DDX27: variants seen among roughly 807,000 people sequenced by gnomAD.
DDX27 encodes probable ATP-dependent RNA helicase DDX27.
A neutral mutation model predicts 99.3 loss-of-function variants in DDX27; 42 were observed. The ratio of observed to expected loss-of-function variants is 0.42; its 90% CI spans 0.33 to 0.55. DDX27 has a LOEUF of 0.55. Ranked by LOEUF, DDX27 falls within the 20% of genes least tolerant of loss-of-function variation. The pLI is 0.07. For missense variants in DDX27, 798 were observed against 976.8 expected, an observed-to-expected ratio of 0.82 and a Z score of 2.44; for synonymous variants, 329 against 353.8, an observed-to-expected ratio of 0.93 and a Z score of 0.79.
intron 7 of DDX27, among the ~76,000 whole-genome samples, chr20:49,227,158 G>A (rs952811408): frequency 3.3e-5 from 5 of 152,136 alleles, no homozygotes; most frequent in East Asian, 1.9e-4. Flanking sequence ...CACCGCGCCC[G>A]GCCGAGAGTA....
At chr20:49,242,271 A>C in intron 18 of DDX27, 65 bp downstream of exon 18, 1 of 1,589,164 alleles carries the variant, frequency 6.3e-7, no homozygotes, top group Non-Finnish European at 8.6e-7. Context: ...GCTTTGGGTC[A>C]GGGAGAAAAT....
intron 14 of DDX27, chr20:49,238,119 A>C (rs1197357369): frequency 6.6e-6 from 1 of 152,080 alleles, no homozygotes; most frequent in Non-Finnish European, 1.5e-5. Flanking sequence ...CCCGGGTTCA[A>C]GTGATCCTCC....
At chr20:49,222,802 C>T (rs1298381848) in intron 2 of DDX27, among the ~76,000 whole-genome samples, 155 bp from the exon 3 acceptor site, 6 of 151,988 alleles carry the variant, frequency 3.9e-5, no homozygotes, top group African/African-American at 1.2e-4. Context: ...CGTGAGCCAC[C>T]GCGCCCGGCC....
chr20:49,238,862 A>T, intron 14 of DDX27, 87 bp from the exon 15 acceptor site: 2 of 941,462 alleles, frequency 2.1e-6, no homozygotes, highest in Non-Finnish European at 3.3e-6. Flanking sequence ...CTCCCACCTC[A>T]ATCTCCCAGA....
At chr20:49,235,578 AC>A (rs1257068272) in intron 12 of DDX27, 1 of 157,740 alleles carries the variant, frequency 6.3e-6, no homozygotes, top group African/African-American at 2.4e-5. Flanking sequence ...TCTCCACCTA[AC>A]CCTGTTCATC....
intron 1 of DDX27, 42 bp downstream of exon 1, chr20:49,219,583 C>G: frequency 1.3e-6 from 2 of 1,550,434 alleles, no homozygotes; most frequent in African/African-American, 2.8e-5. Context: ...TTGACTGCTT[C>G]CCTTCCTCGC....
At position 49,241,034 on chromosome 20, in the gene DDX27, C is replaced by A. The variant is rs1346745891; in HGVS notation, c.1898-859C>A. Among the ~76,000 whole-genome samples, 3 of 152,030 alleles carry A rather than the reference C, an allele frequency of 2.0e-5. No individual in the cohort carries two copies. The East Asian group carries it at 5.8e-4, about 29-fold the overall frequency. On this transcript the variant is annotated intron_variant, in intron 16 of 20. Coordinates refer to ENST00000618172, the MANE Select transcript of DDX27 (RefSeq NM_017895.8). ...CGACTCAAACCACCACCACCAACAA[C>A]AAAAAACCCAAAAAATAATCATTTG...
intron 8 of DDX27, among the ~76,000 whole-genome samples, chr20:49,229,239 C>T (rs1238562016): frequency 6.6e-6 from 1 of 151,914 alleles, no homozygotes; most frequent in African/African-American, 2.4e-5. Context: ...ACCGTGTTAG[C>T]CAGGATAGTC....
intron 2 of DDX27, 46 bp downstream of exon 2, chr20:49,221,644 A>G (rs1449052269): frequency 1.3e-6 from 2 of 1,525,216 alleles, no homozygotes; most frequent in African/African-American, 2.8e-5. Flanking sequence ...GGCTATTAAG[A>G]TTGGACTGTG....
chr20:49,227,521 C>T (rs952843575), intron 7 of DDX27, among the ~76,000 whole-genome samples: 2 of 151,958 alleles, frequency 1.3e-5, no homozygotes, highest in Admixed American at 6.6e-5. Context: ...TGCCCGCCAC[C>T]ACACCCGGCT....
In DDX27 at chr20:49,238,965, C is replaced by G; in HGVS notation, c.1704C>G (p.Phe568Leu). Residue 568 changes from phenylalanine to leucine, a missense_variant, in exon 15 of 21, where the codon TTC becomes TTG. Physicochemically the swap from Phe to Leu is conservative, Grantham distance 22. Coordinates refer to ENST00000618172, the MANE Select transcript of DDX27 (RefSeq NM_017895.8). ...RILPQDVILK[F>L]RDKIEKMEKD... ...CCCATTGAGATGTCATCCTCAAATT[C>G]CGGGACAAGATTGAGAAAATGGAGA... 1.2e-6 allele frequency: 2 copies of G among 1,613,660 alleles called. No homozygotes were observed. Among genetic ancestry groups the G allele is most frequent in the Non-Finnish European group, 1.7e-6 (2 of 1,179,758 alleles).
intron 9 of DDX27, 65 bp from the exon 10 acceptor site, chr20:49,233,241 C>T (rs997722124): frequency 2.0e-5 from 24 of 1,196,280 alleles, no homozygotes; most frequent in Non-Finnish European, 2.7e-5. Context: ...GTATGCAATC[C>T]CGTGTCCCTC....
chr20:49,230,124 G>C lies in DDX27; in HGVS notation c.881-75G>C. On this transcript the variant is annotated intron_variant, in intron 8 of 20. Coordinates refer to ENST00000618172, the MANE Select transcript of DDX27 (RefSeq NM_017895.8). ...TTCTCTGCATCTGGCCTGAGGCCTG[G>C]TGAGTGGCTGGTGCTCAGTCAACAC... The C allele has an allele frequency of 6.6e-6, 10 of 1,507,576 alleles. No individual in the cohort carries two copies. The South Asian group carries it at 1.0e-4, about 16-fold the overall frequency. The allele number at this position is 1,507,576 out of a possible 1,614,324, so 93.4% of individuals were successfully genotyped here.
chr20:49,234,824 G>C, intron 11 of DDX27, 111 bp from the exon 12 acceptor site: 2 of 1,306,628 alleles, frequency 1.5e-6, no homozygotes, highest in Non-Finnish European at 2.1e-6. Flanking sequence ...CAGGGACAGT[G>C]CCTGTCTATC....
At position 49,243,997 on chromosome 20, in the gene DDX27, T is replaced by C; in HGVS notation, c.*163T>C. ...TGGTACGTAGCTATTTTCCTAAGCA[T>C]GTCTGTCAATCTCCCTTCTTGCTGA... is the stretch of plus-strand genomic sequence containing the variant. On this transcript the variant is annotated 3_prime_UTR_variant, in exon 21 of 21. Transcript: ENST00000618172. The C allele has an allele frequency of 1.4e-6, 1 of 735,912 alleles. No homozygotes were observed. The highest frequency in any genetic ancestry group is 2.2e-6 in the Non-Finnish European group (1 of 451,180). 45.6% of individuals were successfully genotyped at this position (735,912 alleles called of 1,614,324 possible).
chr20:49,242,427 C>G (rs1317464175), intron 18 of DDX27, among the ~76,000 whole-genome samples, 167 bp from the exon 19 acceptor site: 2 of 152,092 alleles, frequency 1.3e-5, no homozygotes, highest in African/African-American at 4.8e-5. Context: ...GACTCCGGAG[C>G]CTAAGGCCTC....
chr20:49,242,784 G>A (rs1980524515), intron 19 of DDX27, 103 bp downstream of exon 19: 1 of 1,124,496 alleles, frequency 8.9e-7, no homozygotes, highest in Admixed American at 2.2e-5. Flanking sequence ...GTGCAGTGGT[G>A]CATCTTAGCT....
chr20:49,226,857 C>CTTTTTAT (rs1979908843), intron 7 of DDX27, among the ~76,000 whole-genome samples: 1 of 63,460 alleles, frequency 1.6e-5, no homozygotes, highest in African/African-American at 6.5e-5. Flanking sequence ...GAGTAAAGGA[C>CTTTTTAT]TTTTTTTTTT....
Position 49,236,607 on chromosome 20 carries a change from A to T in DDX27, c.1687+97A>T. 2.4e-6 allele frequency: 3 copies of T among 1,245,684 alleles called. No individual in the cohort carries two copies. The highest frequency in any genetic ancestry group is 3.2e-6 in the Non-Finnish European group (3 of 946,032). The allele number at this position is 1,245,684 out of a possible 1,614,324, so 77.2% of individuals were successfully genotyped here. ...AGCAGGTACTTTGCAGTTCAGAGCCAGATTTGAATTCCAGCCCTGCTGCTT... is the reference window on the plus strand; with the variant it reads ...AGCAGGTACTTTGCAGTTCAGAGCCTGATTTGAATTCCAGCCCTGCTGCTT... On this transcript the variant is annotated intron_variant, in intron 14 of 20. Transcript: ENST00000618172. The surrounding 1 kb of genome is among the most constrained non-coding windows in gnomAD (Gnocchi z 4.1).
Sources: gnomAD v4.1 joint callset for allele counts (sites outside exome capture counted in the v4.1 genomes callset) on GRCh38, gnomAD v4.1.1 for gene constraint, Gnocchi (gnomAD v3.1) non-coding constraint, MANE v1.5 for transcripts, NCBI Gene and HGNC (gene_info 2026-07-23, HGNC 2026-07-21) for gene names.